The following DNAJC5B variants were observed in gnomAD, a reference collection of about 807,000 sequenced individuals.
DNAJC5B encodes dnaJ homolog subfamily C member 5B.
A neutral mutation model predicts 24.7 loss-of-function variants in DNAJC5B; 23 were observed. That is an observed-to-expected ratio of 0.93 (90% CI 0.67 to 1.32). DNAJC5B has a LOEUF of 1.32. Among genes scored for constraint, DNAJC5B ranks in the 40% most tolerant of loss-of-function variants. DNAJC5B has a pLI of 0.00. For missense variants in DNAJC5B, 238 were observed against 240.8 expected (o/e 0.99, Z 0.08); for synonymous variants, 101 against 90.1 (o/e 1.12, Z -0.68).
chr8:66,042,244 T>G (rs1474851184), intron 1 of DNAJC5B, among the ~76,000 whole-genome samples: 1 of 152,238 alleles, frequency 6.6e-6, no homozygotes, highest in Non-Finnish European at 1.5e-5. Flanking sequence ...AGGTGACTAA[T>G]TGTTGAATGA....
chr8:66,019,674 G>A (rs74430076), upstream of DNAJC5B, among the ~76,000 whole-genome samples: 3,122 of 152,250 alleles, frequency 0.021, 49 homozygotes, highest in Non-Finnish European at 0.033. Flanking sequence ...AAATATTAGT[G>A]CAGATGGCAA....
intron 5 of DNAJC5B, 44 bp downstream of exon 5, chr8:66,080,592 G>A: frequency 6.6e-7 from 1 of 1,504,010 alleles, no homozygotes; most frequent in Non-Finnish European, 8.9e-7. Context: ...CCATTCATAG[G>A]CCTGAGCAAG....
intron 3 of DNAJC5B, among the ~76,000 whole-genome samples, chr8:66,069,266 A>C (rs1807293584): frequency 6.6e-6 from 1 of 152,064 alleles, no homozygotes; most frequent in African/African-American, 2.4e-5. Flanking sequence ...GCTTCAATTA[A>C]AAGAAAAAAG....
At chr8:66,027,021 AT>A (rs754394331) in intron 1 of DNAJC5B, among the ~76,000 whole-genome samples, 164 of 152,254 alleles carry the variant, frequency 1.1e-3, no homozygotes, top group Non-Finnish European at 1.8e-3. Flanking sequence ...GGCTTTTAGG[AT>A]ACCCATCACC....
chr8:66,016,256 T>A, the DNAJC5B span, among the ~76,000 whole-genome samples: 1 of 152,218 alleles, frequency 6.6e-6, no homozygotes, highest in Non-Finnish European at 1.5e-5. Context: ...CCACTCAAAT[T>A]TCATCTTGAA....
chr8:66,089,366 T>C (rs1395841263), intron 5 of DNAJC5B, among the ~76,000 whole-genome samples: 2 of 152,212 alleles, frequency 1.3e-5, no homozygotes, highest in Non-Finnish European at 2.9e-5. Context: ...AGCCAAACCA[T>C]ATCAGTGACC....
intron 5 of DNAJC5B, among the ~76,000 whole-genome samples, chr8:66,084,242 AG>A (rs1296530179): frequency 1.3e-5 from 2 of 152,178 alleles, no homozygotes; most frequent in African/African-American, 4.8e-5. Flanking sequence ...GCTCTGCAAA[AG>A]AAGGGGACTC....
At chr8:66,083,326 C>G (rs1807645709) in intron 5 of DNAJC5B, among the ~76,000 whole-genome samples, 1 of 151,838 alleles carries the variant, frequency 6.6e-6, no homozygotes, top group South Asian at 2.1e-4. Flanking sequence ...GAAATATTTT[C>G]TATGAAAAAA....
chr8:66,087,514 A>G (rs1034484305), intron 5 of DNAJC5B, among the ~76,000 whole-genome samples: 14 of 152,162 alleles, frequency 9.2e-5, no homozygotes, highest in African/African-American at 3.4e-4. Context: ...GCATCAACTC[A>G]AAAGTCCAAG....
chr8:66,036,405 C>A (rs886996351), intron 1 of DNAJC5B, among the ~76,000 whole-genome samples: 35 of 152,294 alleles, frequency 2.3e-4, no homozygotes, highest in Admixed American at 7.2e-4. Context: ...TACAAAAAAA[C>A]CAGATTTTGT....
intron 4 of DNAJC5B, among the ~76,000 whole-genome samples, chr8:66,078,056 T>C (rs1807509834): frequency 6.6e-6 from 1 of 152,052 alleles, no homozygotes; most frequent in South Asian, 2.1e-4. Context: ...CCTCTGGGCG[T>C]GACACTCTTT....
At chr8:66,074,664 T>C (rs1310936975) in intron 3 of DNAJC5B, among the ~76,000 whole-genome samples, 2 of 152,206 alleles carry the variant, frequency 1.3e-5, no homozygotes, top group African/African-American at 2.4e-5. Flanking sequence ...CTATTCTATT[T>C]AAAAATACTC....
At chr8:66,077,957 G>T (rs947923492) in intron 4 of DNAJC5B, among the ~76,000 whole-genome samples, 5 of 152,038 alleles carry the variant, frequency 3.3e-5, no homozygotes, top group Admixed American at 3.3e-4. Context: ...TTTGGAATGA[G>T]AGTGTACACA....
intron 1 of DNAJC5B, among the ~76,000 whole-genome samples, chr8:66,026,758 T>A (rs1806253064): frequency 6.6e-6 from 1 of 152,232 alleles, no homozygotes. Context: ...TTTACCCTGC[T>A]ATCCCATGGG....
chr8:66,045,172 G>A (rs1483275376), intron 2 of DNAJC5B, among the ~76,000 whole-genome samples: 4 of 152,276 alleles, frequency 2.6e-5, no homozygotes, highest in Non-Finnish European at 4.4e-5. Context: ...TGGTCTTTTG[G>A]TTCCTTCATG....
chr8:66,058,341 A>T (rs150559594), intron 3 of DNAJC5B, among the ~76,000 whole-genome samples: 1 of 152,310 alleles, frequency 6.6e-6, no homozygotes, highest in Non-Finnish European at 1.5e-5. Flanking sequence ...TAGTCCAGAA[A>T]GGTAGATAGA....
Position 66,045,236 on chromosome 8 carries a change from C to T in DNAJC5B, c.-18+1625C>T, listed in dbSNP as rs143354979. Among the ~76,000 whole-genome samples, 54 of 152,298 alleles carry T rather than the reference C, an allele frequency of 3.5e-4. No homozygotes were observed. In the East Asian group the frequency reaches 8.9e-3, roughly 25 times the overall value. On this transcript the variant is annotated intron_variant, in intron 2 of 5. Transcript: ENST00000276570. ...TCCCACATTGACCAACTATCTTTTG[C>T]TTGCATTTTAACATGATGCAAATGG...
At chr8:66,047,123 G>A (rs986136362) in intron 2 of DNAJC5B, among the ~76,000 whole-genome samples, 4 of 152,196 alleles carry the variant, frequency 2.6e-5, no homozygotes, top group Non-Finnish European at 5.9e-5. Context: ...TATGTAGGAC[G>A]CCAGATAATA....
In DNAJC5B at chr8:66,100,688, T is replaced by A. The variant is rs561863778; in HGVS notation, c.*657T>A. 1.6e-4 allele frequency among the ~76,000 whole-genome samples: 24 copies of A among 152,288 alleles called. No homozygotes were observed. The highest frequency in any genetic ancestry group is 2.1e-4 in the Non-Finnish European group (14 of 68,030). ...AAAACTTCAACCTGGTTAAATGTTG[T>A]AAGTGAACCAGAAAATCATTCTGAG... On this transcript the variant is annotated 3_prime_UTR_variant, in exon 6 of 6. Transcript: ENST00000276570.
Sources: allele counts gnomAD v4.1 joint callset (sites outside exome capture counted in the v4.1 genomes callset), GRCh38; gene constraint gnomAD v4.1.1; transcripts MANE v1.5; gene names NCBI Gene and HGNC (gene_info 2026-07-23, HGNC 2026-07-21).